SLC6A15: variants seen among roughly 807,000 people sequenced by gnomAD.
The protein encoded by SLC6A15 is sodium-dependent neutral amino acid transporter B(0)AT2.
SLC6A15 carries 33 observed loss-of-function variants against 68.5 expected under a neutral mutation model. That is an observed-to-expected ratio of 0.48 (90% CI 0.37 to 0.64). The LOEUF (loss-of-function observed/expected upper bound fraction) is 0.64. Among genes scored for constraint, SLC6A15 ranks in the 30% least tolerant of loss-of-function variants. The pLI, the probability that SLC6A15 is intolerant of heterozygous loss-of-function variation, is 0.00. For synonymous variants in SLC6A15, 347 were observed against 301.0 expected, an observed-to-expected ratio of 1.15 and a Z score of -1.58; for missense variants, 747 against 874.3, an observed-to-expected ratio of 0.85 and a Z score of 1.84.
At chr12:84,881,971 C>T in intron 5 of SLC6A15, 2 of 982,592 alleles carry the variant, frequency 2.0e-6, no homozygotes, top group Non-Finnish European at 2.4e-6. Flanking sequence ...TTTCCTGAGG[C>T]ATTCTCATTA....
In SLC6A15 at chr12:84,872,893, C is replaced by G. The variant is rs549843039; in HGVS notation, c.1110-99G>C. ...TATAAGCTAATGAATGAGCAATGTTCCCAACACAAAGAAATGATTAATGTT... is the reference window on the plus strand; with the variant it reads ...TATAAGCTAATGAATGAGCAATGTTGCCAACACAAAGAAATGATTAATGTT... On this transcript the variant is annotated intron_variant, in intron 7 of 11. Coordinates refer to ENST00000266682, the MANE Select transcript of SLC6A15 (RefSeq NM_182767.6). 178 of 1,201,230 alleles carry G rather than the reference C, an allele frequency of 1.5e-4. 2 individuals are homozygous for G. The highest frequency in any genetic ancestry group is 1.9e-4 in the Non-Finnish European group (167 of 875,616). The allele number at this position is 1,201,230 out of a possible 1,614,324, so 74.4% of individuals were successfully genotyped here. A position where few individuals can be genotyped will look rare whatever the true frequency, so the allele number is the denominator to read the frequency against.
Position 84,876,608 on chromosome 12 carries a change from C to A in SLC6A15, c.757-1G>T. 7.0e-7 allele frequency: 1 copy of A among 1,426,642 alleles called. No individual in the cohort carries two copies. Among genetic ancestry groups the A allele is most frequent in the Non-Finnish European group, 9.7e-7 (1 of 1,036,098 alleles). 88.4% of individuals were successfully genotyped at this position (1,426,642 alleles called of 1,614,324 possible). A position where few individuals can be genotyped will look rare whatever the true frequency, so the allele number is the denominator to read the frequency against. On this transcript the variant is annotated splice_acceptor_variant, in intron 5 of 11. Coordinates refer to ENST00000266682, the MANE Select transcript of SLC6A15 (RefSeq NM_182767.6). LOFTEE classifies it high-confidence loss of function. The stretch of plus-strand genomic sequence containing the variant: ...GAAACAGAGAACTAAAATATATGAT[C>A]TGCAAAGAAATAAAAATAAAAATAA...
intron 8 of SLC6A15, 87 bp from the exon 9 acceptor site, chr12:84,870,757 C>A: frequency 1.3e-6 from 1 of 756,800 alleles, no homozygotes; most frequent in Non-Finnish European, 2.0e-6. Context: ...GAGGAAAGAT[C>A]TCTGAATAAT....
chr12:84,873,126 C>A lies in SLC6A15; in HGVS notation c.1070G>T (p.Gly357Val), dbSNP rs1323215772. The change falls in exon 7 of 12, where the codon GGC becomes GTC. Residue 357 changes from glycine (G) to valine (V), a missense_variant. Coordinates refer to ENST00000266682, the MANE Select transcript of SLC6A15 (RefSeq NM_182767.6). ...LATLVVFAVL[G>V]FKANVINEKC... ...CTCATTTATGACATTTGCTTTGAAG[C>A]CCAGAACTGCAAACACCACCAATGT... 1 of 1,613,992 alleles carries A rather than the reference C, an allele frequency of 6.2e-7. No homozygotes were observed. Among genetic ancestry groups the A allele is most frequent in the South Asian group, 1.1e-5 (1 of 91,056 alleles).
At position 84,885,286 on chromosome 12, in the gene SLC6A15, T is replaced by A. The variant is rs1159039417; in HGVS notation, c.574+149A>T. ...CCAAAAGTCTATCTCTAAGAGTATG[T>A]CAATCCTGAATGTGAGCAAAGTCTG... On this transcript the variant is annotated intron_variant, in intron 4 of 11. Transcript: ENST00000266682. 15 of 711,962 alleles carry A rather than the reference T, an allele frequency of 2.1e-5. No homozygotes were observed. In the East Asian group the frequency reaches 4.8e-4, roughly 23 times the overall value. The allele number at this position is 711,962 out of a possible 1,614,324, so 44.1% of individuals were successfully genotyped here. A position where few individuals can be genotyped will look rare whatever the true frequency, so the allele number is the denominator to read the frequency against.
chr12:84,885,631 T>A, intron 3 of SLC6A15, 70 bp from the exon 4 acceptor site: 1 of 1,420,076 alleles, frequency 7.0e-7, no homozygotes, highest in South Asian at 1.4e-5. Flanking sequence ...ATCAAATGCA[T>A]AAAATTTTAT....
chr12:84,885,746 T>G (rs1206048082), intron 3 of SLC6A15, among the ~76,000 whole-genome samples, 165 bp downstream of exon 3: 2 of 152,184 alleles, frequency 1.3e-5, no homozygotes, highest in Admixed American at 1.3e-4. Flanking sequence ...TTAACAACAT[T>G]GAGCTATATT....
intron 11 of SLC6A15, among the ~76,000 whole-genome samples, chr12:84,862,650 G>A (rs1329017193): frequency 6.6e-6 from 1 of 152,064 alleles, no homozygotes; most frequent in East Asian, 1.9e-4. Flanking sequence ...CTTGAGAATA[G>A]AAATTGAAAT....
intron 9 of SLC6A15, among the ~76,000 whole-genome samples, chr12:84,868,233 T>C (rs180976695): frequency 6.6e-6 from 1 of 152,344 alleles, no homozygotes; most frequent in East Asian, 1.9e-4. Context: ...ACATATAATG[T>C]AGAATAAGAA....
chr12:84,898,953 T>C (rs866438254), intron 1 of SLC6A15, among the ~76,000 whole-genome samples: 1 of 152,242 alleles, frequency 6.6e-6, no homozygotes, highest in Non-Finnish European at 1.5e-5. Context: ...TGATCAGTTG[T>C]TCTTGAATTC....
At chr12:84,889,359 G>A (rs1872273973) in intron 2 of SLC6A15, among the ~76,000 whole-genome samples, 1 of 151,842 alleles carries the variant, frequency 6.6e-6, no homozygotes, top group Admixed American at 6.6e-5. Context: ...GCGCGGTGGC[G>A]GGCGCCTGCA....
rs1231603327 is a variant in SLC6A15 at position 84,860,488 on chromosome 12, A to AT, written c.*1143dup. On this transcript the variant is annotated 3_prime_UTR_variant, in exon 12 of 12. Transcript: ENST00000266682. ...GAACACCATTGAACCATAATACTCTATTTTTCCTTAGACTCTGAAGCGGTG... is the reference window on the plus strand; with the variant it reads ...GAACACCATTGAACCATAATACTCTATTTTTTCCTTAGACTCTGAAGCGGTG... The AT allele has an allele frequency of 6.6e-6, 1 of 152,020 alleles. No individual in the cohort carries two copies. The highest frequency in any genetic ancestry group is 2.4e-5 in the African/African-American group (1 of 41,414). The allele number at this position is 152,020 out of a possible 1,614,324, so 9.4% of individuals were successfully genotyped here.
chr12:84,891,602 ATG>A (rs1044161892), intron 2 of SLC6A15, among the ~76,000 whole-genome samples: 3 of 152,240 alleles, frequency 2.0e-5, no homozygotes, highest in Non-Finnish European at 2.9e-5. Context: ...GAAGTTGAGA[ATG>A]TGTTACCCTT....
At chr12:84,906,180 A>G (rs1873143054) in intron 1 of SLC6A15, among the ~76,000 whole-genome samples, 1 of 152,230 alleles carries the variant, frequency 6.6e-6, no homozygotes, top group Admixed American at 6.5e-5. Context: ...GAAATTAAAA[A>G]TGCAATAGCA....
intron 4 of SLC6A15, 43 bp from the exon 5 acceptor site, chr12:84,884,083 G>A: frequency 6.6e-7 from 1 of 1,507,164 alleles, no homozygotes; most frequent in Non-Finnish European, 9.1e-7. Context: ...AGAATATAAA[G>A]AGCAATGCGA....
intron 1 of SLC6A15, among the ~76,000 whole-genome samples, chr12:84,902,252 T>G (rs1872916388): frequency 6.6e-6 from 1 of 151,996 alleles, no homozygotes. Flanking sequence ...CAATACCAAG[T>G]CACTATTTAT....
intron 1 of SLC6A15, among the ~76,000 whole-genome samples, chr12:84,894,374 T>C (rs1872546046): frequency 6.6e-6 from 1 of 152,138 alleles, no homozygotes; most frequent in Admixed American, 6.5e-5. Flanking sequence ...TGGAGTTGTG[T>C]CCTAGCACTA....
At chr12:84,908,321 T>C (rs566057967) in intron 1 of SLC6A15, among the ~76,000 whole-genome samples, 22 of 152,058 alleles carry the variant, frequency 1.4e-4, no homozygotes, top group African/African-American at 4.6e-4. Context: ...AATAACTTTA[T>C]TGAATCAAGT....
intron 1 of SLC6A15, among the ~76,000 whole-genome samples, chr12:84,903,567 G>T (rs562236594): frequency 2.1e-4 from 32 of 152,066 alleles, no homozygotes; most frequent in Middle Eastern, 3.4e-3. Flanking sequence ...GTATTTTCTC[G>T]GGAGGCTCTA....
Sources: gnomAD v4.1 joint callset for allele counts (sites outside exome capture counted in the v4.1 genomes callset) on GRCh38, gnomAD v4.1.1 for gene constraint, MANE v1.5 for transcripts, NCBI Gene and HGNC (gene_info 2026-07-23, HGNC 2026-07-21) for gene names.